Variants in PDE1C observed in about 807,000 individuals in gnomAD.
PDE1C encodes the protein dual specificity calcium/calmodulin-dependent 3',5'-cyclic nucleotide phosphodiesterase 1C.
Under a neutral mutation model 93.1 loss-of-function variants are expected in PDE1C, and 62 were observed. The observed-to-expected ratio is 0.67, with a 90% confidence interval of 0.54 to 0.82. The LOEUF (loss-of-function observed/expected upper bound fraction) is 0.82, where lower values mean the gene tolerates loss of function less well. Among genes scored for constraint, PDE1C ranks in the 40% least tolerant of loss-of-function variants. The pLI is 0.00. For synonymous variants in PDE1C, 325 were observed against 310.1 expected (o/e 1.05, Z -0.50); for missense variants, 742 against 884.6 (o/e 0.84, Z 2.04).
chr7:32,103,997 C>A (rs1421442426), intron 3 of PDE1C, among the ~76,000 whole-genome samples: 2 of 151,784 alleles, frequency 1.3e-5, no homozygotes, highest in Non-Finnish European at 2.9e-5. Context: ...GACAAAAAGA[C>A]AAAGACATGG....
chr7:32,105,212 G>A (rs1584769970), intron 3 of PDE1C, among the ~76,000 whole-genome samples: 2 of 152,144 alleles, frequency 1.3e-5, no homozygotes, highest in East Asian at 3.9e-4. Context: ...TCCAATAAAA[G>A]GGACATGAGA....
chr7:31,625,665 T>C, the PDE1C span, among the ~76,000 whole-genome samples: 2 of 151,078 alleles, frequency 1.3e-5, no homozygotes, highest in African/African-American at 4.8e-5. Flanking sequence ...GAGATATACC[T>C]AATGCTAGAT....
the PDE1C span, among the ~76,000 whole-genome samples, chr7:31,671,000 C>G: frequency 2.6e-5 from 4 of 152,174 alleles, no homozygotes; most frequent in African/African-American, 9.6e-5. Flanking sequence ...GGAAAGATTA[C>G]CTTTCCACTC....
chr7:32,388,536 C>T (rs921090853), intron 1 of PDE1C, among the ~76,000 whole-genome samples: 5 of 151,756 alleles, frequency 3.3e-5, no homozygotes, highest in Non-Finnish European at 4.4e-5. Flanking sequence ...AAAAATTAGC[C>T]GAGCATGGGG....
chr7:31,873,476 A>C, intron 5 of PDE1C, 68 bp from the exon 6 acceptor site: 1 of 914,818 alleles, frequency 1.1e-6, no homozygotes, highest in Non-Finnish European at 1.8e-6. Context: ...CAGTCTCCTC[A>C]CTTTCAAGTC....
chr7:32,135,073 GGC>G (rs2128775114), intron 3 of PDE1C, among the ~76,000 whole-genome samples: 1 of 152,182 alleles, frequency 6.6e-6, no homozygotes, highest in African/African-American at 2.4e-5. Context: ...GAATAAAAAG[GGC>G]AATAAGAAGA....
At chr7:31,864,059 AAGG>A (rs1562939000) in intron 7 of PDE1C, among the ~76,000 whole-genome samples, 1 of 152,204 alleles carries the variant, frequency 6.6e-6, no homozygotes, top group African/African-American at 2.4e-5. Flanking sequence ...GCCAATTCTA[AAGG>A]AGATTTCGAA....
chr7:32,398,269 C>A (rs1408971187), intron 1 of PDE1C, among the ~76,000 whole-genome samples: 1 of 148,176 alleles, frequency 6.7e-6, no homozygotes, highest in African/African-American at 2.5e-5. Flanking sequence ...GCCGAGATTG[C>A]GCCAGCCTGG....
At chr7:31,980,025 C>A (rs1363501666) in intron 2 of PDE1C, among the ~76,000 whole-genome samples, 1 of 152,164 alleles carries the variant, frequency 6.6e-6, no homozygotes, top group Non-Finnish European at 1.5e-5. Flanking sequence ...GCTCCTTTAG[C>A]ATAAAGTAGC....
chr7:32,037,784 T>C (rs1032761376), intron 2 of PDE1C, among the ~76,000 whole-genome samples: 28 of 152,174 alleles, frequency 1.8e-4, no homozygotes, highest in African/African-American at 6.5e-4. Context: ...TTTTTTGTTT[T>C]GGTTTTGGTT....
chr7:31,760,401 C>G (rs1390645240), intron 17 of PDE1C, among the ~76,000 whole-genome samples: 3 of 152,162 alleles, frequency 2.0e-5, no homozygotes, highest in Admixed American at 6.5e-5. Context: ...AGAGAACAGC[C>G]GCTAGTCCTC....
intron 3 of PDE1C, among the ~76,000 whole-genome samples, chr7:32,116,150 G>A (rs561457976): frequency 7.9e-5 from 12 of 152,284 alleles, no homozygotes; most frequent in East Asian, 3.9e-4. Context: ...TGACACTTCC[G>A]TGGGATGGAA....
In PDE1C at chr7:31,775,683, C is replaced by G; in HGVS notation, c.1941G>C (p.Thr647=). The G allele has an allele frequency of 1.9e-6, 3 of 1,612,766 alleles. No homozygotes were observed. The highest frequency in any genetic ancestry group is 2.2e-5 in the South Asian group (2 of 91,072). ...HGSPAPSTSS[T]CRLTLPVIKP... is the part of the protein sequence containing the mutation. ...ACCCACCTGGCAACGTAAGGCGACA[C>G]GTGGAGCTGGTGCTTGGGGCTGGTG... Residue 647 remains threonine (T), a synonymous_variant, in exon 17 of 18, where the codon ACG becomes ACC. Transcript: ENST00000396191.
chr7:32,103,417 T>C (rs1423907299), intron 3 of PDE1C, among the ~76,000 whole-genome samples: 1 of 152,142 alleles, frequency 6.6e-6, no homozygotes, highest in Non-Finnish European at 1.5e-5. Context: ...TTAGCCTGCA[T>C]TCCTATCCCC....
chr7:31,928,147 C>A (rs1008953028), intron 2 of PDE1C, among the ~76,000 whole-genome samples: 1 of 151,762 alleles, frequency 6.6e-6, no homozygotes, highest in Admixed American at 6.6e-5. Flanking sequence ...GAAGCATACA[C>A]AATATCAATG....
intron 1 of PDE1C, among the ~76,000 whole-genome samples, chr7:32,228,474 G>A (rs991096090): frequency 9.9e-5 from 15 of 152,178 alleles, no homozygotes; most frequent in Non-Finnish European, 2.9e-5. Context: ...AGCTTAGAAA[G>A]TTTAAGGAAT....
At chr7:32,364,684 T>A (rs1784196357) in intron 1 of PDE1C, among the ~76,000 whole-genome samples, 1 of 152,138 alleles carries the variant, frequency 6.6e-6, no homozygotes, top group African/African-American at 2.4e-5. Flanking sequence ...ACTACTTATC[T>A]CCTGTAAGCC....
intron 2 of PDE1C, among the ~76,000 whole-genome samples, chr7:31,955,517 G>A (rs1439662432): frequency 6.6e-6 from 1 of 152,158 alleles, no homozygotes; most frequent in Non-Finnish European, 1.5e-5. Flanking sequence ...TTTCCAGAGA[G>A]TAGGTTCAAT....
intron 17 of PDE1C, among the ~76,000 whole-genome samples, chr7:31,757,517 T>C (rs1417376716): frequency 6.6e-6 from 1 of 152,162 alleles, no homozygotes; most frequent in Non-Finnish European, 1.5e-5. Context: ...AGACAAGCCA[T>C]AGCTGAGTAC....
Sources: gnomAD v4.1 joint callset for allele counts (sites outside exome capture counted in the v4.1 genomes callset) on GRCh38, gnomAD v4.1.1 for gene constraint, MANE v1.5 for transcripts, NCBI Gene and HGNC (gene_info 2026-07-23, HGNC 2026-07-21) for gene names.